Variants in HHAT observed in about 807,000 individuals in gnomAD.
HHAT encodes the protein hedgehog acyltransferase, also known as protein-cysteine N-palmitoyltransferase HHAT.
Under a neutral mutation model 70.8 loss-of-function variants are expected in HHAT, and 47 were observed. The observed-to-expected ratio is 0.66, with a 90% CI of 0.53 to 0.85. The LOEUF (loss-of-function observed/expected upper bound fraction) is 0.85, where lower values mean the gene tolerates loss of function less well. Ranked by LOEUF, HHAT falls within the 40% of genes least tolerant of loss-of-function variation. The pLI is 0.00. For missense variants in HHAT, 609 were observed against 604.8 expected (o/e 1.01, Z -0.07); for synonymous variants, 228 against 247.6 (o/e 0.92, Z 0.74).
At chr1:210,529,770 A>G (rs1042955454) in intron 9 of HHAT, among the ~76,000 whole-genome samples, 4 of 152,180 alleles carry the variant, frequency 2.6e-5, no homozygotes, top group African/African-American at 9.7e-5. Context: ...TCTGCTGTAC[A>G]TGCCACAGTG....
At chr1:210,604,245 A>ATTTTTT (rs11446633) in intron 10 of HHAT, among the ~76,000 whole-genome samples, 1 of 141,584 alleles carries the variant, frequency 7.1e-6, no homozygotes, top group Non-Finnish European at 1.5e-5. Flanking sequence ...AAGCCCAGCT[A>ATTTTTT]TTTTTTTTTT....
intron 10 of HHAT, among the ~76,000 whole-genome samples, chr1:210,619,239 C>T (rs548706906): frequency 2.6e-5 from 4 of 152,096 alleles, no homozygotes; most frequent in Non-Finnish European, 4.4e-5. Context: ...ACTGGTCACC[C>T]CTGCCTGAGA....
At position 210,404,729 on chromosome 1, in the gene HHAT, C is replaced by T. The variant is rs548163359; in HGVS notation, c.684+50C>T. 2.1e-4 allele frequency: 309 copies of T among 1,460,528 alleles called. 4 individuals are homozygous for T. In the South Asian group the frequency reaches 3.3e-3, roughly 16 times the overall value. 90.5% of individuals were successfully genotyped at this position (1,460,528 alleles called of 1,614,324 possible). On this transcript the variant is annotated intron_variant, in intron 6 of 11. Transcript: ENST00000261458. ...GGGATTCTATAGCTTAAGCCTTTGT[C>T]GCTGTTGCTCTGGTCTTCTCTGACT...
intron 11 of HHAT, among the ~76,000 whole-genome samples, chr1:210,651,507 G>C (rs1052507066): frequency 2.0e-5 from 3 of 152,276 alleles, no homozygotes; most frequent in Admixed American, 2.0e-4. Flanking sequence ...CCTGGCAGCT[G>C]TGCTTAGGCC....
At chr1:210,575,302 G>C (rs1004111326) in intron 9 of HHAT, among the ~76,000 whole-genome samples, 2 of 152,052 alleles carry the variant, frequency 1.3e-5, no homozygotes, top group Non-Finnish European at 2.9e-5. Flanking sequence ...ATCGTCTTAG[G>C]AGAAAGGTGG....
At position 210,601,765 on chromosome 1, in the gene HHAT, C is replaced by T. The variant is rs891575443; in HGVS notation, c.1245+13666C>T. On this transcript the variant is annotated intron_variant, in intron 10 of 11. Transcript: ENST00000261458. ...ATAAAACCATGAAATGGGAGCTTCT[C>T]TCTATGAAGAGCTAAGAGATCTATA... Among the ~76,000 whole-genome samples the T allele has an allele frequency of 3.3e-5, 5 of 152,238 alleles. No individual in the cohort carries two copies. In the East Asian group the frequency reaches 7.7e-4, roughly 24 times the overall value.
At chr1:210,533,893 G>T (rs906126101) in intron 9 of HHAT, among the ~76,000 whole-genome samples, 1 of 152,132 alleles carries the variant, frequency 6.6e-6, no homozygotes, top group Non-Finnish European at 1.5e-5. Flanking sequence ...GAACAAAAAA[G>T]GCCCGGCTTG....
chr1:210,663,251 A>G (rs1678153974), intron 11 of HHAT, among the ~76,000 whole-genome samples: 1 of 152,160 alleles, frequency 6.6e-6, no homozygotes, highest in South Asian at 2.1e-4. Context: ...AGTGAGTGCT[A>G]GCTGAGGTCT....
At chr1:210,618,484 GT>G (rs1668201651) in intron 10 of HHAT, among the ~76,000 whole-genome samples, 1 of 152,172 alleles carries the variant, frequency 6.6e-6, no homozygotes, top group African/African-American at 2.4e-5. Context: ...CCCAGTTTCT[GT>G]TTTTAGCTTC....
chr1:210,634,320 A>G (rs1379286567), intron 11 of HHAT, among the ~76,000 whole-genome samples: 3 of 152,162 alleles, frequency 2.0e-5, no homozygotes, highest in Admixed American at 6.5e-5. Context: ...TTTGCTGGGT[A>G]AACCTGATTT....
rs1660923268 is a variant in HHAT, at chr1:210,588,245, A to C, written c.1245+146A>C. ...AAGTCCATATGCCTAGAGGCAAGAC[A>C]GCTGGAAAAGAAGCTTCTGTAGTGC... On this transcript the variant is annotated intron_variant, in intron 10 of 11. Coordinates refer to ENST00000261458, the MANE Select transcript of HHAT (RefSeq NM_018194.6). The C allele has an allele frequency of 1.4e-5, 9 of 638,862 alleles. 1 individual carries two copies. The highest frequency in any genetic ancestry group is 1.9e-5 in the Non-Finnish European group (7 of 371,122). The allele number at this position is 638,862 out of a possible 1,614,324, so 39.6% of individuals were successfully genotyped here. A position where few individuals can be genotyped will look rare whatever the true frequency, so the allele number is the denominator to read the frequency against.
chr1:210,500,172 G>A (rs1360899282), intron 8 of HHAT, among the ~76,000 whole-genome samples: 1 of 152,148 alleles, frequency 6.6e-6, no homozygotes, highest in Non-Finnish European at 1.5e-5. Flanking sequence ...TCCTTGAAGG[G>A]ATCATGTGAT....
Position 210,583,650 on chromosome 1 carries a change from A to G in HHAT, c.1044-4248A>G, listed in dbSNP as rs1454172950. On this transcript the variant is annotated intron_variant, in intron 9 of 11. Coordinates refer to ENST00000261458, the MANE Select transcript of HHAT (RefSeq NM_018194.6). The stretch of plus-strand genomic sequence containing the variant: ...TTTTATCTTCCAGTCTTGAAGCTAT[A>G]CCCTCTTCTGGTTTGAGACAAACAG... 3.3e-5 allele frequency among the ~76,000 whole-genome samples: 5 copies of G among 152,268 alleles called. No individual in the cohort carries two copies. The East Asian group carries it at 9.6e-4, about 29-fold the overall frequency.
rs2091375704 is a variant in HHAT at position 210,390,372 on chromosome 1, G to A, written c.273+2791G>A. Among the ~76,000 whole-genome samples, 8 of 152,200 alleles carry A rather than the reference G, an allele frequency of 5.3e-5. No homozygotes were observed. The South Asian group carries it at 1.7e-3, about 31-fold the overall frequency. On this transcript the variant is annotated intron_variant, in intron 4 of 11. Transcript: ENST00000261458. ...AGCAAAGAGCATTACTAGTGACAAAGAGGGCTGCTGTTTAATAATAAAGAA... is the reference window on the plus strand; with the variant it reads ...AGCAAAGAGCATTACTAGTGACAAAAAGGGCTGCTGTTTAATAATAAAGAA...
chr1:210,471,874 A>G (rs914358397), intron 8 of HHAT, among the ~76,000 whole-genome samples: 3 of 152,216 alleles, frequency 2.0e-5, no homozygotes, highest in Non-Finnish European at 4.4e-5. Context: ...GCAATTTTCA[A>G]TGCATTGTTG....
At chr1:210,581,781 C>T (rs1659319046) in intron 9 of HHAT, among the ~76,000 whole-genome samples, 1 of 152,178 alleles carries the variant, frequency 6.6e-6, no homozygotes, top group African/African-American at 2.4e-5. Context: ...ATCAATCATC[C>T]TTTCATTTCT....
rs71303046 is a variant in HHAT, at chr1:210,348,736, CGT to C, written c.-43-172_-43-171del. On this transcript the variant is annotated intron_variant, in intron 1 of 11. Transcript: ENST00000261458. Reference sequence around the variant, plus strand: ...GATGCACATGTGTGGTGTATGTGTGCGTGTGTGTGTGTGTGTGTGTGTGTGTT... The same window carrying C: ...GATGCACATGTGTGGTGTATGTGTGCGTGTGTGTGTGTGTGTGTGTGTGTT... Among the ~76,000 whole-genome samples the C allele has an allele frequency of 7.3e-4, 108 of 147,970 alleles. 3 individuals are homozygous for C. In the South Asian group the frequency reaches 7.6e-3, roughly 10 times the overall value.
At chr1:210,353,239 C>G (rs548045615) in intron 2 of HHAT, among the ~76,000 whole-genome samples, 20 of 151,832 alleles carry the variant, frequency 1.3e-4, no homozygotes, top group African/African-American at 4.6e-4. Flanking sequence ...CCCGGCCCCT[C>G]TCTGTTTACA....
intron 11 of HHAT, among the ~76,000 whole-genome samples, chr1:210,634,113 G>C (rs1466316474): frequency 6.6e-6 from 1 of 152,222 alleles, no homozygotes; most frequent in Non-Finnish European, 1.5e-5. Flanking sequence ...TTTCTTTGCT[G>C]TTAGAAATCT....
Sources: allele counts gnomAD v4.1 joint callset (sites outside exome capture counted in the v4.1 genomes callset), GRCh38; gene constraint gnomAD v4.1.1; transcripts MANE v1.5; gene names NCBI Gene and HGNC (gene_info 2026-07-23, HGNC 2026-07-21).